MACF1: variants seen among roughly 807,000 people sequenced by gnomAD.
MACF1 encodes the protein microtubule-actin cross-linking factor 1.
MACF1 carries 193 observed loss-of-function variants against 854.8 expected under a neutral mutation model. That is an observed-to-expected ratio of 0.23 (90% CI 0.20 to 0.25). The LOEUF (loss-of-function observed/expected upper bound fraction) is 0.25, where lower values mean the gene tolerates loss of function less well. Ranked by LOEUF, MACF1 falls within the 10% of genes least tolerant of loss-of-function variation. The pLI is 1.00. For missense variants in MACF1, 7,722 were observed against 8,929.1 expected (o/e 0.86, Z 5.45); for synonymous variants, 3,185 against 3,226.7 (o/e 0.99, Z 0.44).
intron 6 of MACF1, among the ~76,000 whole-genome samples, chr1:39,265,248 G>GGAAC (rs1645217479): frequency 6.6e-6 from 1 of 152,020 alleles, no homozygotes; most frequent in African/African-American, 2.4e-5. Flanking sequence ...TTGTGTTTTT[G>GGAAC]GAATGAATGA....
intron 49 of MACF1, among the ~76,000 whole-genome samples, chr1:39,364,781 C>T (rs771901913): frequency 3.3e-5 from 5 of 152,060 alleles, no homozygotes; most frequent in African/African-American, 4.8e-5. Context: ...CGTGAGCCAC[C>T]GCGCCCGGCC....
intron 89 of MACF1, among the ~76,000 whole-genome samples, chr1:39,456,453 C>T (rs978009417): frequency 2.6e-5 from 4 of 152,148 alleles, no homozygotes; most frequent in Admixed American, 6.5e-5. Flanking sequence ...TGTAGGCTAA[C>T]GTGTTTTGAG....
chr1:39,375,806 A>T (rs1649668882), intron 52 of MACF1, among the ~76,000 whole-genome samples: 1 of 152,242 alleles, frequency 6.6e-6, no homozygotes, highest in Non-Finnish European at 1.5e-5. Flanking sequence ...AGAATATTTA[A>T]TGAGGGCTTT....
intron 28 of MACF1, 44 bp from the exon 29 acceptor site, chr1:39,317,170 G>A (rs776810671): frequency 1.9e-6 from 3 of 1,583,046 alleles, no homozygotes; most frequent in Non-Finnish European, 2.6e-6. Flanking sequence ...CTCCTTTTTA[G>A]CATGGAAAGT....
At chr1:39,147,662 GC>G (rs940773476) in intron 2 of MACF1, among the ~76,000 whole-genome samples, 13 of 152,044 alleles carry the variant, frequency 8.6e-5, no homozygotes, top group Admixed American at 2.6e-4. Context: ...GGGCCTACAG[GC>G]ACACACAACC....
At chr1:39,263,266 AGG>A (rs1381616026) in intron 6 of MACF1, among the ~76,000 whole-genome samples, 3 of 152,172 alleles carry the variant, frequency 2.0e-5, no homozygotes, top group Non-Finnish European at 4.4e-5. Context: ...TTGAAGGAGA[AGG>A]GAGAGGCTGG....
chr1:39,156,776 ACTC>A (rs994041887), intron 2 of MACF1, among the ~76,000 whole-genome samples: 4 of 152,008 alleles, frequency 2.6e-5, no homozygotes, highest in African/African-American at 9.7e-5. Flanking sequence ...TAAGCACTAA[ACTC>A]CTTTTTAACC....
rs1209002036 is a variant in MACF1, at chr1:39,088,276, AT to A, written c.220+3839del. Among the ~76,000 whole-genome samples the A allele has an allele frequency of 3.9e-5, 6 of 152,192 alleles. No homozygotes were observed. In the East Asian group the frequency reaches 1.2e-3, roughly 29 times the overall value. On this transcript the variant is annotated intron_variant, in intron 2 of 93. Transcript: ENST00000361689. ...TGTGAGCCACCGCGCCTGGCCCGAG[AT>A]GGGGTTTCACCATGTTGGTCAGGCT... is the stretch of plus-strand genomic sequence containing the variant.
intron 2 of MACF1, among the ~76,000 whole-genome samples, chr1:39,195,070 T>C (rs2148253573): frequency 6.6e-6 from 1 of 152,342 alleles, no homozygotes; most frequent in Admixed American, 6.5e-5. Flanking sequence ...CTTGTGTTCT[T>C]GGAGACACTT....
At chr1:39,349,821 G>A (rs141068722) in intron 42 of MACF1, among the ~76,000 whole-genome samples, 194 bp downstream of exon 42, 1 of 152,068 alleles carries the variant, frequency 6.6e-6, no homozygotes, top group African/African-American at 2.4e-5. Flanking sequence ...GTAGAGATGG[G>A]GTATCACTAT....
At chr1:39,134,201 C>T (rs886377649) in intron 2 of MACF1, among the ~76,000 whole-genome samples, 4 of 107,922 alleles carry the variant, frequency 3.7e-5, no homozygotes, top group South Asian at 4.4e-4. Context: ...CCACCACGCC[C>T]GGCTAATTTT....
In MACF1 at chr1:39,380,385, C is replaced by T; in HGVS notation, c.13648+12C>T. The T allele has an allele frequency of 6.2e-7, 1 of 1,608,838 alleles. No homozygotes were observed. The highest frequency in any genetic ancestry group is 8.5e-7 in the Non-Finnish European group (1 of 1,178,124). On this transcript the variant is annotated intron_variant, in intron 55 of 100. Coordinates refer to ENST00000564288, the MANE Select transcript of MACF1 (RefSeq NM_001394062.1). ...TCAGGAAGAACTCAGTAAGTTTTCA[C>T]AAGAGTGTTACAAATTTGCTAAGTT...
rs910453580 is a variant in MACF1, at chr1:39,387,298, A to G, written c.14456A>G (p.Asn4819Ser). 13 of 1,614,126 alleles carry G rather than the reference A, an allele frequency of 8.1e-6. No homozygotes were observed. The highest frequency in any genetic ancestry group is 4.0e-5 in the African/African-American group (3 of 74,944). The change falls in exon 58 of 101, where the codon AAC becomes AGC. Residue 4819 changes from asparagine to serine, a missense_variant. Transcript: ENST00000564288. ...LDDKQSQQAK[N>S]CPISAKLERL... ...GATAAACAAAGCCAGCAAGCAAAAA[A>G]CTGCCCAATTTCTGCAAAATTGGAG...
intron 58 of MACF1, among the ~76,000 whole-genome samples, chr1:39,403,954 C>T (rs1642585224): frequency 6.6e-6 from 1 of 151,808 alleles, no homozygotes; most frequent in Non-Finnish European, 1.5e-5. Flanking sequence ...CATGGCGAAA[C>T]CCCATCTCTA....
At chr1:39,265,908 A>G (rs1645225807) in intron 6 of MACF1, among the ~76,000 whole-genome samples, 1 of 152,186 alleles carries the variant, frequency 6.6e-6, no homozygotes, top group Non-Finnish European at 1.5e-5. Flanking sequence ...CCTTGTCTAC[A>G]ATCCCAGTAA....
intron 1 of MACF1, among the ~76,000 whole-genome samples, chr1:39,213,059 T>G (rs1644535435): frequency 6.6e-6 from 1 of 152,260 alleles, no homozygotes; most frequent in African/African-American, 2.4e-5. Context: ...GGAGCACAGC[T>G]TTGGAGCTGG....
rs1488027149 is a variant in MACF1, at chr1:39,182,108, GC to G, written c.221-49072del. Among the ~76,000 whole-genome samples the G allele has an allele frequency of 2.0e-5, 3 of 149,246 alleles. No homozygotes were observed. In the Admixed American group the frequency reaches 2.0e-4, roughly 10 times the overall value. On this transcript the variant is annotated intron_variant, in intron 2 of 93. Transcript: ENST00000361689. ...AGAGGTTGCAGTGAGCTGAGATGACGCCATTGCACTCCAGCCTGGGCAACAG... is the reference window on the plus strand; with the variant it reads ...AGAGGTTGCAGTGAGCTGAGATGACGCATTGCACTCCAGCCTGGGCAACAG...
intron 2 of MACF1, among the ~76,000 whole-genome samples, chr1:39,193,043 C>G (rs1644276072): frequency 6.6e-6 from 1 of 151,890 alleles, no homozygotes; most frequent in Admixed American, 6.6e-5. Flanking sequence ...ACCCGGGAGG[C>G]AGAGGTTGCA....
chr1:39,282,930 C>T (rs1204993003), intron 7 of MACF1, among the ~76,000 whole-genome samples: 2 of 152,134 alleles, frequency 1.3e-5, no homozygotes, highest in African/African-American at 2.4e-5. Context: ...AAACATGCCC[C>T]AATTTTCAGT....
Sources: gnomAD v4.1 joint callset for allele counts (sites outside exome capture counted in the v4.1 genomes callset) on GRCh38, gnomAD v4.1.1 for gene constraint, MANE v1.5 for transcripts, NCBI Gene and HGNC (gene_info 2026-07-23, HGNC 2026-07-21) for gene names.